The following CLSTN2 variants were observed in gnomAD, a reference collection of about 807,000 sequenced individuals.
CLSTN2 encodes calsyntenin-2.
CLSTN2 carries 48 observed loss-of-function variants against 101.2 expected under a neutral mutation model. That is an observed-to-expected ratio of 0.47 (90% CI 0.38 to 0.60). CLSTN2 has a LOEUF of 0.60. CLSTN2 is among the 20% of genes least tolerant of loss of function. The probability of loss-of-function intolerance (pLI) is 0.00; values close to 1 mark genes in which losing one functional copy is unlikely to be tolerated. For synonymous variants in CLSTN2, 481 were observed against 463.6 expected (o/e 1.04, Z -0.48); for missense variants, 1,160 against 1,238.2 (o/e 0.94, Z 0.95).
At chr3:140,527,833 C>CATA (rs1702487398) in intron 8 of CLSTN2, among the ~76,000 whole-genome samples, 1 of 151,950 alleles carries the variant, frequency 6.6e-6, no homozygotes, top group African/African-American at 2.4e-5. Flanking sequence ...AACCAAATAC[C>CATA]GTATTTTTTC....
chr3:140,397,635 G>C (rs1312067437), intron 2 of CLSTN2, among the ~76,000 whole-genome samples: 2 of 152,154 alleles, frequency 1.3e-5, no homozygotes, highest in African/African-American at 2.4e-5. Flanking sequence ...CATGGCTGAA[G>C]AGGACAGGGA....
chr3:139,985,897 GAAACAGAATTTTT>G (rs1576387140), intron 1 of CLSTN2, among the ~76,000 whole-genome samples: 1 of 152,282 alleles, frequency 6.6e-6, no homozygotes, highest in East Asian at 1.9e-4. Flanking sequence ...GTCTGACTAA[GAAACAGAATTTTT>G]AAACTTCATT....
rs909638192 is a variant in CLSTN2 at position 140,150,231 on chromosome 3, C to A, written c.110-25720C>A. Reference sequence around the variant, plus strand: ...GTGAAGGGACACAGTGAGTCCCAATCTACCTGCTTGGAAGGAATGAGCGTT... The same window carrying A: ...GTGAAGGGACACAGTGAGTCCCAATATACCTGCTTGGAAGGAATGAGCGTT... On this transcript the variant is annotated intron_variant, in intron 1 of 16. Transcript: ENST00000458420. Among the ~76,000 whole-genome samples the A allele has an allele frequency of 3.9e-5, 6 of 152,206 alleles. 1 individual carries two copies. Among genetic ancestry groups the A allele is most frequent in the Admixed American group, 3.3e-4 (5 of 15,280 alleles).
At chr3:140,014,577 CAG>C (rs1370302466) in intron 1 of CLSTN2, among the ~76,000 whole-genome samples, 3 of 152,062 alleles carry the variant, frequency 2.0e-5, no homozygotes, top group East Asian at 3.9e-4. Flanking sequence ...TGAACAAAGA[CAG>C]AAGAAGATGA....
chr3:140,060,761 G>T (rs1323882567), intron 1 of CLSTN2, among the ~76,000 whole-genome samples: 1 of 152,210 alleles, frequency 6.6e-6, no homozygotes, highest in African/African-American at 2.4e-5. Flanking sequence ...TAACCACAGT[G>T]GTGGGCAACA....
At chr3:140,057,122 A>G (rs2008112272) in intron 1 of CLSTN2, among the ~76,000 whole-genome samples, 1 of 152,228 alleles carries the variant, frequency 6.6e-6, no homozygotes, top group Non-Finnish European at 1.5e-5. Context: ...CATTATGCCC[A>G]TGCACAGATG....
At chr3:140,505,435 A>G (rs907735785) in intron 8 of CLSTN2, among the ~76,000 whole-genome samples, 2 of 152,192 alleles carry the variant, frequency 1.3e-5, no homozygotes, top group African/African-American at 4.8e-5. Context: ...TGGTTGAAGG[A>G]GAGTCCCGTT....
intron 2 of CLSTN2, among the ~76,000 whole-genome samples, chr3:140,338,662 C>G (rs555516901): frequency 6.6e-6 from 1 of 152,086 alleles, no homozygotes; most frequent in Non-Finnish European, 1.5e-5. Flanking sequence ...TTCGTGGGGA[C>G]CCTGTGAGAT....
At chr3:140,225,368 A>G (rs1388560783) in intron 2 of CLSTN2, among the ~76,000 whole-genome samples, 1 of 152,204 alleles carries the variant, frequency 6.6e-6, no homozygotes, top group East Asian at 1.9e-4. Context: ...GACTTGAGCT[A>G]CACGAATTGT....
At chr3:140,336,664 G>C (rs2087442352) in intron 2 of CLSTN2, among the ~76,000 whole-genome samples, 1 of 152,234 alleles carries the variant, frequency 6.6e-6, no homozygotes, top group South Asian at 2.1e-4. Context: ...TCATCAGCCT[G>C]TCAGAGCTGG....
At chr3:140,438,145 G>C (rs1366145713) in intron 5 of CLSTN2, among the ~76,000 whole-genome samples, 1 of 152,030 alleles carries the variant, frequency 6.6e-6, no homozygotes, top group African/African-American at 2.4e-5. Flanking sequence ...CCTTTCTCAG[G>C]AGTCTATTTA....
intron 1 of CLSTN2, among the ~76,000 whole-genome samples, chr3:139,961,840 A>C (rs557100755): frequency 6.6e-6 from 1 of 152,278 alleles, no homozygotes; most frequent in East Asian, 1.9e-4. Context: ...GATAATCCTA[A>C]AGGTATTTCA....
chr3:140,534,459 A>C (rs2107780632), intron 9 of CLSTN2, among the ~76,000 whole-genome samples: 1 of 152,324 alleles, frequency 6.6e-6, no homozygotes, highest in Middle Eastern at 3.4e-3. Flanking sequence ...TGATTTTATA[A>C]GGAACTAAAA....
intron 1 of CLSTN2, among the ~76,000 whole-genome samples, chr3:140,170,494 T>G (rs1404418355): frequency 6.6e-6 from 1 of 152,196 alleles, no homozygotes; most frequent in Non-Finnish European, 1.5e-5. Flanking sequence ...AAGCCTCAGT[T>G]ACTCACCTGC....
chr3:140,196,141 C>T (rs2010640443), intron 2 of CLSTN2, among the ~76,000 whole-genome samples: 1 of 152,116 alleles, frequency 6.6e-6, no homozygotes, highest in Non-Finnish European at 1.5e-5. Flanking sequence ...TGGGAACAGC[C>T]ACACTAGCTC....
intron 1 of CLSTN2, among the ~76,000 whole-genome samples, chr3:139,942,585 A>T (rs185337985): frequency 6.6e-6 from 1 of 152,186 alleles, no homozygotes; most frequent in Admixed American, 6.5e-5. Flanking sequence ...AGGAGATCAT[A>T]TAGGAATAGC....
At chr3:140,228,792 TA>T (rs2086346264) in intron 2 of CLSTN2, among the ~76,000 whole-genome samples, 1 of 152,158 alleles carries the variant, frequency 6.6e-6, no homozygotes. Flanking sequence ...CTCCTGTTTT[TA>T]AAACCATCAG....
At chr3:140,290,736 C>A (rs1368981503) in intron 2 of CLSTN2, among the ~76,000 whole-genome samples, 1 of 152,234 alleles carries the variant, frequency 6.6e-6, no homozygotes, top group Non-Finnish European at 1.5e-5. Flanking sequence ...TCCTGATTCA[C>A]ACTTCCTCCT....
At chr3:140,427,259 A>G (rs1458102531) in intron 5 of CLSTN2, among the ~76,000 whole-genome samples, 4 of 144,692 alleles carry the variant, frequency 2.8e-5, no homozygotes, top group South Asian at 2.1e-4. Context: ...ATATATATAC[A>G]TAAATTAAAA....
Sources: allele counts gnomAD v4.1 joint callset (sites outside exome capture counted in the v4.1 genomes callset), GRCh38; gene constraint gnomAD v4.1.1; transcripts MANE v1.5; gene names NCBI Gene and HGNC (gene_info 2026-07-23, HGNC 2026-07-21).